The following TET1 variants were observed in gnomAD, a reference collection of about 807,000 sequenced individuals.
The protein encoded by TET1 is methylcytosine dioxygenase TET1.
A neutral mutation model predicts 148.7 loss-of-function variants in TET1; 13 were observed. The observed-to-expected ratio is 0.09, with a 90% CI of 0.06 to 0.14. TET1 has a LOEUF of 0.14. TET1 is among the 10% of genes least tolerant of loss of function. The probability of loss-of-function intolerance (pLI) is 1.00; values close to 1 mark genes in which losing one functional copy is unlikely to be tolerated. For missense variants in TET1, 2,182 were observed against 2,553.8 expected (o/e 0.85, Z 3.14); for synonymous variants, 907 against 937.2 (o/e 0.97, Z 0.59).
chr10:68,582,656 C>T (rs1283064666), intron 2 of TET1, among the ~76,000 whole-genome samples: 1 of 151,996 alleles, frequency 6.6e-6, no homozygotes, highest in Admixed American at 6.6e-5. Flanking sequence ...TTATTTTATC[C>T]CTTTTGGTGG....
At chr10:68,642,027 A>G (rs1403533427) in intron 3 of TET1, among the ~76,000 whole-genome samples, 1 of 152,236 alleles carries the variant, frequency 6.6e-6, no homozygotes, top group East Asian at 1.9e-4. Context: ...TTTATCATGT[A>G]CAACATGAAG....
rs185012839 is a variant in TET1, at chr10:68,659,474, A to G, written c.4461+6880A>G. Among the ~76,000 whole-genome samples, 904 of 152,114 alleles carry G rather than the reference A, an allele frequency of 5.9e-3. 11 individuals are homozygous for G. The highest frequency in any genetic ancestry group is 0.02 in the African/African-American group (846 of 41,500). On this transcript the variant is annotated intron_variant, in intron 6 of 11. Transcript: ENST00000373644. ...GCTGGGATTACAGGCGTGTGCCACC[A>G]TGCTCAGCTAATTTTTGTATTTTTA...
At chr10:68,627,542 G>C (rs2054503136) in intron 3 of TET1, among the ~76,000 whole-genome samples, 1 of 152,192 alleles carries the variant, frequency 6.6e-6, no homozygotes, top group South Asian at 2.1e-4. Flanking sequence ...GCTGCAGTGA[G>C]CCGAGATCGT....
At chr10:68,629,314 G>C (rs1377320042) in intron 3 of TET1, among the ~76,000 whole-genome samples, 1 of 151,860 alleles carries the variant, frequency 6.6e-6, no homozygotes, top group Non-Finnish European at 1.5e-5. Flanking sequence ...GCAGTGAGCC[G>C]AGATTGTGCC....
chr10:68,636,935 G>A (rs1329555978), intron 3 of TET1, among the ~76,000 whole-genome samples: 2 of 149,490 alleles, frequency 1.3e-5, no homozygotes, highest in Admixed American at 6.8e-5. Flanking sequence ...TTAGGTATTC[G>A]ACACTTGGTT....
At chr10:68,597,978 T>C (rs186219495) in intron 2 of TET1, among the ~76,000 whole-genome samples, 75 of 152,318 alleles carry the variant, frequency 4.9e-4, no homozygotes, top group Admixed American at 4.4e-3. Flanking sequence ...TGAGGAGTTA[T>C]TGTTTAATGG....
chr10:68,650,018 G>T (rs867458861), intron 4 of TET1, among the ~76,000 whole-genome samples: 1 of 152,112 alleles, frequency 6.6e-6, no homozygotes. Context: ...CCATATCTGA[G>T]GGTAAAGAAT....
intron 11 of TET1, among the ~76,000 whole-genome samples, chr10:68,689,294 A>G (rs2055558819): frequency 6.6e-6 from 1 of 152,224 alleles, no homozygotes; most frequent in Non-Finnish European, 1.5e-5. Context: ...GAAATTGATC[A>G]TTATGTATTA....
chr10:68,662,412 A>G (rs548420772), intron 6 of TET1, among the ~76,000 whole-genome samples: 48 of 152,304 alleles, frequency 3.2e-4, no homozygotes, highest in African/African-American at 9.9e-4. Flanking sequence ...TTCAATTTGC[A>G]TTGTAACTAG....
At chr10:68,674,669 A>G in intron 8 of TET1, 1 of 454,288 alleles carries the variant, frequency 2.2e-6, no homozygotes, top group Non-Finnish European at 4.3e-6. Flanking sequence ...AAAATGGCAG[A>G]CAATGGTTGA....
At chr10:68,588,313 G>A (rs2053882334) in intron 2 of TET1, among the ~76,000 whole-genome samples, 1 of 152,178 alleles carries the variant, frequency 6.6e-6, no homozygotes, top group African/African-American at 2.4e-5. Context: ...GAGCAGTATA[G>A]CATTAAGAAC....
chr10:68,592,648 T>C (rs905922955), intron 2 of TET1, among the ~76,000 whole-genome samples: 1 of 152,076 alleles, frequency 6.6e-6, no homozygotes, highest in African/African-American at 2.4e-5. Context: ...CTCAGCAACT[T>C]AGTGCTCCAG....
chr10:68,595,002 AAAG>A (rs2053961653), intron 2 of TET1, among the ~76,000 whole-genome samples: 1 of 151,552 alleles, frequency 6.6e-6, no homozygotes, highest in South Asian at 2.1e-4. Context: ...AAAAAGAAGA[AAAG>A]AAAAAAAAAA....
chr10:68,661,270 G>T (rs1030112786), intron 6 of TET1, among the ~76,000 whole-genome samples: 20 of 122,298 alleles, frequency 1.6e-4, no homozygotes, highest in African/African-American at 5.7e-4. Context: ...GGATGTTCTC[G>T]ATCTCCTGAC....
At chr10:68,649,839 A>C (rs2054905282) in intron 4 of TET1, among the ~76,000 whole-genome samples, 1 of 152,208 alleles carries the variant, frequency 6.6e-6, no homozygotes, top group African/African-American at 2.4e-5. Flanking sequence ...AGTTGAATAA[A>C]TACCTGCAGG....
chr10:68,649,298 G>A (rs2054896245), intron 4 of TET1, among the ~76,000 whole-genome samples: 1 of 152,202 alleles, frequency 6.6e-6, no homozygotes, highest in Non-Finnish European at 1.5e-5. Flanking sequence ...CTTAATAAAG[G>A]TGAATTATAA....
At chr10:68,585,202 C>T (rs2053847679) in intron 2 of TET1, among the ~76,000 whole-genome samples, 1 of 152,128 alleles carries the variant, frequency 6.6e-6, no homozygotes, top group South Asian at 2.1e-4. Flanking sequence ...CAGGGCTTCT[C>T]CATGTTGGTC....
intron 11 of TET1, 125 bp from the exon 12 acceptor site, chr10:68,690,683 C>A: frequency 1.1e-6 from 1 of 892,394 alleles, no homozygotes; most frequent in African/African-American, 1.7e-5. Context: ...AGAACAAAAC[C>A]AACCAACACA....
intron 6 of TET1, among the ~76,000 whole-genome samples, chr10:68,658,133 A>T (rs1444092272): frequency 6.6e-6 from 1 of 152,102 alleles, no homozygotes; most frequent in Non-Finnish European, 1.5e-5. Flanking sequence ...ATTTTTTAAA[A>T]TCTCCATGTA....
Sources: gnomAD v4.1 joint callset for allele counts (sites outside exome capture counted in the v4.1 genomes callset) on GRCh38, gnomAD v4.1.1 for gene constraint, MANE v1.5 for transcripts, NCBI Gene and HGNC (gene_info 2026-07-23, HGNC 2026-07-21) for gene names.